SCEL: variants seen among roughly 807,000 people sequenced by gnomAD.
The protein encoded by SCEL is sciellin.
In SCEL, 113 loss-of-function variants were observed where a neutral mutation model predicts 117.6. That is an observed-to-expected ratio of 0.96 (90% CI 0.83 to 1.12). The LOEUF (loss-of-function observed/expected upper bound fraction) is 1.12. Among genes scored for constraint, SCEL ranks in the 50% most tolerant of loss-of-function variants. SCEL has a pLI of 0.00. For missense variants in SCEL, 785 were observed against 810.8 expected, an observed-to-expected ratio of 0.97 and a Z score of 0.39; for synonymous variants, 270 against 256.2, an observed-to-expected ratio of 1.05 and a Z score of -0.51.
intron 10 of SCEL, 52 bp from the exon 11 acceptor site, chr13:77,591,343 A>C: frequency 8.9e-7 from 1 of 1,128,476 alleles, no homozygotes; most frequent in Non-Finnish European, 1.3e-6. Flanking sequence ...TCAATTTATC[A>C]AAAAGTGTTT....
chr13:77,603,207 T>A (rs2087847159), intron 18 of SCEL, 72 bp downstream of exon 18: 1 of 925,040 alleles, frequency 1.1e-6, no homozygotes, highest in African/African-American at 1.7e-5. Context: ...ATTTGGCTTT[T>A]TAGCTTCATA....
chr13:77,604,589 C>T (rs550178950), intron 19 of SCEL, among the ~76,000 whole-genome samples, 174 bp downstream of exon 19: 1 of 152,164 alleles, frequency 6.6e-6, no homozygotes, highest in Admixed American at 6.5e-5. Context: ...ACCTAAATCT[C>T]CTGCATTTTA....
chr13:77,615,049 T>C (rs1567421706), intron 24 of SCEL, among the ~76,000 whole-genome samples: 2 of 152,108 alleles, frequency 1.3e-5, no homozygotes, highest in Non-Finnish European at 2.9e-5. Flanking sequence ...ATATATTACA[T>C]TTTGGAGCAC....
intron 1 of SCEL, among the ~76,000 whole-genome samples, chr13:77,552,705 C>A (rs1222726181): frequency 1.3e-5 from 2 of 152,168 alleles, no homozygotes; most frequent in Non-Finnish European, 2.9e-5. Flanking sequence ...TTAATTAGAT[C>A]CCATTTGTCA....
chr13:77,587,830 T>C (rs1013568976), intron 9 of SCEL, among the ~76,000 whole-genome samples: 3 of 152,160 alleles, frequency 2.0e-5, no homozygotes, highest in African/African-American at 7.2e-5. Flanking sequence ...CCTGGCCCTC[T>C]TTTTGTCTCT....
intron 11 of SCEL, among the ~76,000 whole-genome samples, chr13:77,591,899 G>T (rs183172862): frequency 5.3e-5 from 8 of 152,232 alleles, no homozygotes; most frequent in African/African-American, 1.4e-4. Context: ...ATGTCGTCGG[G>T]GGGGAGGGTA....
At chr13:77,612,273 T>C (rs890124339) in intron 22 of SCEL, among the ~76,000 whole-genome samples, 14 of 152,084 alleles carry the variant, frequency 9.2e-5, no homozygotes, top group Non-Finnish European at 1.9e-4. Flanking sequence ...TGAATGCCTA[T>C]GTGAGTGTTT....
chr13:77,599,364 C>T lies in SCEL; in HGVS notation c.833C>T (p.Pro278Leu). The change falls in exon 14 of 33, where the codon CCA becomes CTA. Residue 278 changes from proline (P) to leucine (L), a missense_variant. Physicochemically the swap from Pro to Leu is moderately conservative, Grantham distance 98. Coordinates refer to ENST00000349847, the MANE Select transcript of SCEL (RefSeq NM_144777.3). ...CTTGATAGTCTCTTCAGAGCAAATC[C>T]AAAGGTAGAAGAAAGAGAGAAAAGG... ...QGLDSLFRAN[P>L]KVEEREKRAK... The T allele has an allele frequency of 6.2e-7, 1 of 1,612,482 alleles. No homozygotes were observed. Among genetic ancestry groups the T allele is most frequent in the Non-Finnish European group, 8.5e-7 (1 of 1,179,052 alleles).
At chr13:77,563,010 A>G (rs2085070373) in intron 4 of SCEL, among the ~76,000 whole-genome samples, 1 of 152,210 alleles carries the variant, frequency 6.6e-6, no homozygotes, top group African/African-American at 2.4e-5. Flanking sequence ...TATATGAGGC[A>G]TTAAACAGGC....
chr13:77,609,174 A>G (rs2088456695), intron 21 of SCEL, 57 bp downstream of exon 21: 1 of 1,311,642 alleles, frequency 7.6e-7, no homozygotes, highest in Non-Finnish European at 1.1e-6. Context: ...TAAAAGTATA[A>G]TTAAAGCATC....
chr13:77,592,826 A>G (rs191678362), intron 11 of SCEL, among the ~76,000 whole-genome samples: 5 of 152,118 alleles, frequency 3.3e-5, no homozygotes, highest in South Asian at 4.2e-4. Context: ...TGGCCTCCCA[A>G]AGTTCTGGGA....
At chr13:77,603,858 T>C (rs1482649834) in intron 18 of SCEL, among the ~76,000 whole-genome samples, 1 of 152,234 alleles carries the variant, frequency 6.6e-6, no homozygotes, top group East Asian at 1.9e-4. Context: ...TGAGTTTATA[T>C]GAAAGCATAC....
chr13:77,593,295 T>TGTGTGTGCGCGCGC lies in SCEL; in HGVS notation c.693-217_693-216insGTGTGCGCGCGCGT, dbSNP rs796907419. ...GTGTGTGTGTGTGTGTGTGTGTGTG[T>TGTGTGTGCGCGCGC]GTCTGTGTGTGTGTGTGTGTGTGTC... On this transcript the variant is annotated intron_variant, in intron 11 of 32. Coordinates refer to ENST00000349847, the MANE Select transcript of SCEL (RefSeq NM_144777.3). Among the ~76,000 whole-genome samples the TGTGTGTGCGCGCGC allele has an allele frequency of 5.9e-3, 811 of 136,866 alleles. 20 individuals carry two copies. The East Asian group carries it at 0.07, about 12-fold the overall frequency. The allele number at this position is 136,866 out of a possible 152,430, so 89.8% of individuals were successfully genotyped here.
At chr13:77,559,604 T>A (rs768390533) in intron 3 of SCEL, among the ~76,000 whole-genome samples, 200 bp from the exon 4 acceptor site, 2 of 152,252 alleles carry the variant, frequency 1.3e-5, no homozygotes, top group Non-Finnish European at 2.9e-5. Context: ...TCATTTGTAC[T>A]GACAAACTTG....
intron 27 of SCEL, among the ~76,000 whole-genome samples, chr13:77,625,046 T>G (rs988653832): frequency 3.9e-5 from 6 of 152,194 alleles, no homozygotes; most frequent in African/African-American, 7.2e-5. Flanking sequence ...AGCACTCAGT[T>G]CCTCTGGCAT....
At chr13:77,575,172 A>AAG (rs1219438527) in intron 9 of SCEL, among the ~76,000 whole-genome samples, 86 of 152,338 alleles carry the variant, frequency 5.6e-4, no homozygotes, top group Admixed American at 1.4e-3. Flanking sequence ...AATCAAGTTC[A>AAG]GATTAAAAAC....
At chr13:77,609,606 T>C (rs2088487901) in intron 21 of SCEL, among the ~76,000 whole-genome samples, 1 of 152,226 alleles carries the variant, frequency 6.6e-6, no homozygotes, top group Non-Finnish European at 1.5e-5. Context: ...ATATTTGGTG[T>C]CATGGTAAGG....
At chr13:77,577,992 A>G (rs1335058202) in intron 9 of SCEL, among the ~76,000 whole-genome samples, 2 of 152,180 alleles carry the variant, frequency 1.3e-5, no homozygotes, top group African/African-American at 2.4e-5. Flanking sequence ...TCTTATTATC[A>G]TAACAAAACA....
chr13:77,590,911 C>A (rs764984998), intron 10 of SCEL, among the ~76,000 whole-genome samples: 7 of 152,010 alleles, frequency 4.6e-5, no homozygotes, highest in Non-Finnish European at 1.0e-4. Flanking sequence ...AAATTTAATT[C>A]TGTCAGCTTA....
Sources: gnomAD v4.1 joint callset for allele counts (sites outside exome capture counted in the v4.1 genomes callset) on GRCh38, gnomAD v4.1.1 for gene constraint, MANE v1.5 for transcripts, NCBI Gene and HGNC (gene_info 2026-07-23, HGNC 2026-07-21) for gene names.